The following ZCCHC17 variants were observed in gnomAD, a reference collection of about 807,000 sequenced individuals.
The protein encoded by ZCCHC17 is zinc finger CCHC-type containing 17.
In ZCCHC17, 18 loss-of-function variants were observed where a neutral mutation model predicts 30.6. The observed-to-expected ratio is 0.59, with a 90% CI of 0.41 to 0.87. ZCCHC17 has a LOEUF of 0.87. Ranked by LOEUF, ZCCHC17 falls within the 40% of genes least tolerant of loss-of-function variation. The pLI, the probability that ZCCHC17 is intolerant of heterozygous loss-of-function variation, is 0.00. For synonymous variants in ZCCHC17, 88 were observed against 92.4 expected (o/e 0.95, Z 0.27); for missense variants, 263 against 284.2 (o/e 0.93, Z 0.54).
chr1:31,332,004 C>T (rs1638613829), intron 3 of ZCCHC17, among the ~76,000 whole-genome samples: 4 of 152,084 alleles, frequency 2.6e-5, no homozygotes, highest in Admixed American at 2.6e-4. Context: ...GTTCTGATTC[C>T]ATGTGGAAGC....
chr1:31,344,695 T>G (rs10914361), intron 5 of ZCCHC17, among the ~76,000 whole-genome samples: 82,559 of 152,008 alleles, frequency 0.54, 23,330 homozygotes, highest in Non-Finnish European at 0.62. Flanking sequence ...TGTAGTCTGG[T>G]AGAAGCCACA....
intron 5 of ZCCHC17, among the ~76,000 whole-genome samples, chr1:31,339,663 C>T (rs1250988649): frequency 2.6e-5 from 4 of 152,112 alleles, no homozygotes; most frequent in African/African-American, 9.7e-5. Context: ...TGCCCTTTAA[C>T]GAGTTAGCTA....
intron 1 of ZCCHC17, among the ~76,000 whole-genome samples, chr1:31,303,916 A>C (rs1044980559): frequency 2.6e-5 from 4 of 152,176 alleles, no homozygotes; most frequent in Non-Finnish European, 5.9e-5. Context: ...GTGTGCCTTC[A>C]TCACCTTATT....
At chr1:31,300,222 G>C (rs1260801621) in intron 1 of ZCCHC17, among the ~76,000 whole-genome samples, 1 of 152,072 alleles carries the variant, frequency 6.6e-6, no homozygotes, top group Non-Finnish European at 1.5e-5. Flanking sequence ...ACCATGCCTG[G>C]CTAATTGTTG....
chr1:31,309,964 AG>A (rs778724772), intron 1 of ZCCHC17, 79 bp from the exon 2 acceptor site: 21 of 752,850 alleles, frequency 2.8e-5, no homozygotes, highest in Non-Finnish European at 4.3e-5. Context: ...TATTCTGTAG[AG>A]AATAGCTGTG....
At chr1:31,338,918 T>C in intron 4 of ZCCHC17, 39 bp from the exon 5 acceptor site, 1 of 1,369,922 alleles carries the variant, frequency 7.3e-7, no homozygotes, top group Non-Finnish European at 1.0e-6. Flanking sequence ...CTAAATGATG[T>C]ATTTAAAGTT....
chr1:31,322,314 A>G (rs1301431421), intron 3 of ZCCHC17, among the ~76,000 whole-genome samples: 6 of 152,136 alleles, frequency 3.9e-5, no homozygotes, highest in Non-Finnish European at 7.4e-5. Context: ...CAGCCCCAAT[A>G]TTGAATCCTC....
At chr1:31,332,267 C>A (rs1200430521) in intron 3 of ZCCHC17, among the ~76,000 whole-genome samples, 2 of 152,150 alleles carry the variant, frequency 1.3e-5, no homozygotes, top group African/African-American at 4.8e-5. Context: ...CATACCCTTC[C>A]CCTGAGCTAC....
At chr1:31,329,554 C>T (rs1189447124) in intron 3 of ZCCHC17, among the ~76,000 whole-genome samples, 5 of 152,152 alleles carry the variant, frequency 3.3e-5, no homozygotes. Flanking sequence ...GTAAGAGAAA[C>T]ATAATCCCTT....
intron 3 of ZCCHC17, among the ~76,000 whole-genome samples, chr1:31,335,961 C>T (rs1174959087): frequency 6.6e-6 from 1 of 152,034 alleles, no homozygotes; most frequent in Non-Finnish European, 1.5e-5. Context: ...CTATGTTTGC[C>T]ATGCTGTTTT....
At chr1:31,316,831 G>A (rs986992164) in intron 2 of ZCCHC17, among the ~76,000 whole-genome samples, 1 of 152,006 alleles carries the variant, frequency 6.6e-6, no homozygotes, top group African/African-American at 2.4e-5. Context: ...CTTTTGGTTC[G>A]TAACCCATTC....
intron 6 of ZCCHC17, among the ~76,000 whole-genome samples, chr1:31,347,786 A>G (rs879439677): frequency 1.3e-5 from 2 of 152,094 alleles, no homozygotes; most frequent in East Asian, 3.9e-4. Flanking sequence ...ATTTTTAAAA[A>G]TTTTTTGTAG....
intron 1 of ZCCHC17, among the ~76,000 whole-genome samples, chr1:31,302,240 A>G (rs1646332024): frequency 2.0e-5 from 3 of 152,086 alleles, no homozygotes; most frequent in South Asian, 2.1e-4. Flanking sequence ...AAAAAAAGAA[A>G]AAAGAAGTGT....
At position 31,310,043 on chromosome 1, in the gene ZCCHC17, G is replaced by C. The variant is rs1646560116; in HGVS notation, c.-55-1G>C. Reference sequence around the variant, plus strand: ...ATTGGTGTCTGATTTCTTTATGACAGGACACTTGTATTAGCTTTAATAGAA... The same window carrying C: ...ATTGGTGTCTGATTTCTTTATGACACGACACTTGTATTAGCTTTAATAGAA... On this transcript the variant is annotated splice_acceptor_variant, in intron 1 of 7. Coordinates refer to ENST00000344147, the MANE Select transcript of ZCCHC17 (RefSeq NM_016505.4). LOFTEE classifies it low-confidence loss of function (5UTR_SPLICE). 6.4e-7 allele frequency: 1 copy of C among 1,558,466 alleles called. No individual in the cohort carries two copies. Among genetic ancestry groups the C allele is most frequent in the Non-Finnish European group, 8.8e-7 (1 of 1,135,144 alleles).
At chr1:31,359,813 T>C (rs954922027) in intron 7 of ZCCHC17, among the ~76,000 whole-genome samples, 2 of 152,144 alleles carry the variant, frequency 1.3e-5, no homozygotes, top group Non-Finnish European at 2.9e-5. Context: ...CTGTTTTATG[T>C]TTAATTTTCT....
At chr1:31,361,326 G>A (rs35068862) in intron 7 of ZCCHC17, among the ~76,000 whole-genome samples, 21,409 of 152,122 alleles carry the variant, frequency 0.14, 1,646 homozygotes, top group African/African-American at 0.17. Context: ...AGAACATCCT[G>A]GGAGTTAATG....
rs995875475 is a variant in ZCCHC17 at position 31,310,982 on chromosome 1, C to T, written c.66+818C>T. On this transcript the variant is annotated intron_variant, in intron 2 of 7. Transcript: ENST00000344147. ...TTGGCACCCTATTAGTTAAAACTCT[C>T]TATCTCTTGCCTGGTCTTTACTGGG... Among the ~76,000 whole-genome samples, 9 of 152,220 alleles carry T rather than the reference C, an allele frequency of 5.9e-5. No homozygotes were observed. In the South Asian group the frequency reaches 1.7e-3, roughly 28 times the overall value.
chr1:31,298,100 A>C (rs1646212440), intron 1 of ZCCHC17, among the ~76,000 whole-genome samples: 2 of 152,202 alleles, frequency 1.3e-5, no homozygotes, highest in Non-Finnish European at 2.9e-5. Flanking sequence ...TAGTCGATGT[A>C]TGTGGACCAC....
intron 2 of ZCCHC17, among the ~76,000 whole-genome samples, chr1:31,312,973 A>C (rs1049642069): frequency 6.6e-6 from 1 of 150,890 alleles, no homozygotes; most frequent in Non-Finnish European, 1.5e-5. Flanking sequence ...AGGTTTCACC[A>C]TGTTGGCCAG....
Sources: allele counts gnomAD v4.1 joint callset (sites outside exome capture counted in the v4.1 genomes callset), GRCh38; gene constraint gnomAD v4.1.1; transcripts MANE v1.5; gene names NCBI Gene and HGNC (gene_info 2026-07-23, HGNC 2026-07-21).